Variants in CPE observed in about 807,000 individuals in gnomAD.
The protein encoded by CPE is carboxypeptidase E, also known as carbocypeptidase E.
In CPE, 17 loss-of-function variants were observed where a neutral mutation model predicts 53.5. That is an observed-to-expected ratio of 0.32 (90% CI 0.22 to 0.48). The LOEUF (loss-of-function observed/expected upper bound fraction) is 0.48, where lower values mean the gene tolerates loss of function less well. CPE is among the 20% of genes least tolerant of loss of function. The pLI, the probability that CPE is intolerant of heterozygous loss-of-function variation, is 0.99. For missense variants in CPE, 524 were observed against 614.7 expected (o/e 0.85, Z 1.56); for synonymous variants, 226 against 228.8 (o/e 0.99, Z 0.11).
At chr4:165,419,256 A>G (rs1369261627) in intron 1 of CPE, among the ~76,000 whole-genome samples, 1 of 152,226 alleles carries the variant, frequency 6.6e-6, no homozygotes, top group Non-Finnish European at 1.5e-5. Context: ...TTTTAACCAC[A>G]GTTGCTCAAG....
rs1002974047 is a variant in CPE, at chr4:165,493,213, A to G, written c.1156A>G (p.Asn386Asp). 3.1e-6 allele frequency: 5 copies of G among 1,614,162 alleles called. No homozygotes were observed. Among genetic ancestry groups the G allele is most frequent in the Non-Finnish European group, 3.4e-6 (4 of 1,179,978 alleles). Residue 386 changes from asparagine to aspartate, a missense_variant, in exon 7 of 9, where the codon AAC (asparagine) becomes GAC (aspartate). Asn to Asp is a conservative substitution (Grantham distance 23, BLOSUM62 1). Coordinates refer to ENST00000402744, the MANE Select transcript of CPE (RefSeq NM_001873.4). The part of the protein sequence containing the change: ...VKGFVRDLQG[N>D]PIANATISVE... ...AGGATTTGTCCGAGACCTTCAAGGT[A>G]ACCCAATTGCGAATGCCACCATCTC...
At chr4:165,443,171 T>C (rs1348559862) in intron 1 of CPE, among the ~76,000 whole-genome samples, 1 of 152,202 alleles carries the variant, frequency 6.6e-6, no homozygotes, top group Non-Finnish European at 1.5e-5. Context: ...GCAGTAGCCA[T>C]TGGAGATTTC....
At chr4:165,425,220 T>C (rs948203124) in intron 1 of CPE, among the ~76,000 whole-genome samples, 2 of 152,134 alleles carry the variant, frequency 1.3e-5, no homozygotes, top group African/African-American at 4.8e-5. Context: ...ATAAAGATAA[T>C]ATAGACTTAA....
rs1730472399 is a variant in CPE, at chr4:165,379,759, A to G, written c.307+231A>G. 6.6e-6 allele frequency among the ~76,000 whole-genome samples: 1 copy of G among 152,164 alleles called. No individual in the cohort carries two copies. Among genetic ancestry groups the G allele is most frequent in the African/African-American group, 2.4e-5 (1 of 41,444 alleles). ...TTCCCGTCCCATCCCCCCAGCACCA[A>G]TCCCATCTCCCCAGACCTTAGGCCA... On this transcript the variant is annotated intron_variant, in intron 1 of 8. Coordinates refer to ENST00000402744, the MANE Select transcript of CPE (RefSeq NM_001873.4). The surrounding 1 kb of genome is among the most constrained non-coding windows in gnomAD (Gnocchi z 6.0).
At chr4:165,429,939 C>T (rs554594871) in intron 1 of CPE, among the ~76,000 whole-genome samples, 94 of 152,252 alleles carry the variant, frequency 6.2e-4, no homozygotes, top group African/African-American at 2.2e-3. Flanking sequence ...GAAATCATAA[C>T]CTCATTTGGC....
At chr4:165,410,990 A>G (rs1731036098) in intron 1 of CPE, among the ~76,000 whole-genome samples, 1 of 152,182 alleles carries the variant, frequency 6.6e-6, no homozygotes, top group African/African-American at 2.4e-5. Flanking sequence ...ATCGAAGACC[A>G]GAGAGCATGC....
At chr4:165,396,796 G>A (rs1386174627) in intron 1 of CPE, among the ~76,000 whole-genome samples, 1 of 151,888 alleles carries the variant, frequency 6.6e-6, no homozygotes, top group East Asian at 1.9e-4. Flanking sequence ...TTGGGAGGCT[G>A]AGGCAGGACA....
At chr4:165,405,919 A>G in intron 1 of CPE, 2 of 731,442 alleles carry the variant, frequency 2.7e-6, no homozygotes, top group Admixed American at 3.6e-5. Context: ...GGCAGGATCC[A>G]CTGATGGCAG....
intron 3 of CPE, among the ~76,000 whole-genome samples, chr4:165,471,457 C>A (rs988486279): frequency 3.3e-5 from 5 of 152,148 alleles, no homozygotes; most frequent in Non-Finnish European, 5.9e-5. Context: ...AAAAACAAAT[C>A]ATGATAGGAC....
At chr4:165,381,660 A>C (rs1579235575) in intron 1 of CPE, among the ~76,000 whole-genome samples, 1 of 152,194 alleles carries the variant, frequency 6.6e-6, no homozygotes, top group Non-Finnish European at 1.5e-5. Context: ...CACTAACAAA[A>C]GTACAAGGTG....
Position 165,497,585 on chromosome 4 carries a change from T to C in CPE, c.1406T>C (p.Met469Thr). 6.4e-7 allele frequency: 1 copy of C among 1,573,682 alleles called. No individual in the cohort carries two copies. Among genetic ancestry groups the C allele is most frequent in the African/African-American group, 1.4e-5 (1 of 73,286 alleles). Reference sequence around the variant, plus strand: ...GAAGAATTGATGGAATGGTGGAAAATGATGTCAGAAACTTTAAATTTTTAA... The same window carrying C: ...GAAGAATTGATGGAATGGTGGAAAACGATGTCAGAAACTTTAAATTTTTAA... ...EKEELMEWWK[M>T]MSETLNF Residue 469 changes from methionine (M) to threonine (T), a missense_variant, in exon 9 of 9, where the codon ATG becomes ACG. Coordinates refer to ENST00000402744, the MANE Select transcript of CPE (RefSeq NM_001873.4).
intron 1 of CPE, chr4:165,405,107 G>C (rs1025056266): frequency 1.8e-5 from 13 of 739,584 alleles, no homozygotes; most frequent in Admixed American, 1.6e-4. Flanking sequence ...CCTTTCAAAT[G>C]ACGTTAGAGC....
At chr4:165,429,890 A>T (rs1731381020) in intron 1 of CPE, among the ~76,000 whole-genome samples, 1 of 152,186 alleles carries the variant, frequency 6.6e-6, no homozygotes, top group Non-Finnish European at 1.5e-5. Context: ...GATGACTAAC[A>T]GGTAAGAAAC....
chr4:165,402,697 G>C (rs994668080), intron 1 of CPE, among the ~76,000 whole-genome samples: 2 of 152,086 alleles, frequency 1.3e-5, no homozygotes, highest in Non-Finnish European at 2.9e-5. Context: ...TGTACAGCCT[G>C]CAGAACCGTG....
At chr4:165,466,876 T>C (rs917020879) in intron 2 of CPE, among the ~76,000 whole-genome samples, 12 of 152,332 alleles carry the variant, frequency 7.9e-5, no homozygotes, top group African/African-American at 2.9e-4. Flanking sequence ...TTGGACTCTT[T>C]GTAATAACAC....
intron 3 of CPE, among the ~76,000 whole-genome samples, chr4:165,474,538 G>A (rs1397748058): frequency 1.3e-5 from 2 of 152,132 alleles, no homozygotes; most frequent in Admixed American, 6.5e-5. Context: ...TTCATCCTTA[G>A]GGTTCTGGAA....
chr4:165,450,695 G>A (rs1229767773), intron 1 of CPE, among the ~76,000 whole-genome samples: 2 of 152,180 alleles, frequency 1.3e-5, no homozygotes, highest in African/African-American at 4.8e-5. Flanking sequence ...TTTCATGTCT[G>A]ATAATATTCC....
In CPE at chr4:165,483,503, C is replaced by A. The variant is rs74474403; in HGVS notation, c.791-919C>A. Among the ~76,000 whole-genome samples the A allele has an allele frequency of 1.8e-3, 271 of 152,292 alleles. 3 individuals carry two copies. Among genetic ancestry groups the A allele is most frequent in the African/African-American group, 5.9e-3 (244 of 41,568 alleles). ...TAATTTCTTTTCCTTTGGATGCATA[C>A]TCAGTAGTGGGATTACTAGGTTGAA... is the stretch of plus-strand genomic sequence containing the variant. On this transcript the variant is annotated intron_variant, in intron 4 of 8. Coordinates refer to ENST00000402744, the MANE Select transcript of CPE (RefSeq NM_001873.4).
chr4:165,468,287 T>C (rs892815001), intron 3 of CPE, among the ~76,000 whole-genome samples: 6 of 152,198 alleles, frequency 3.9e-5, no homozygotes, highest in Admixed American at 3.9e-4. Context: ...CTGTTTCTTC[T>C]ACCTGGGCAT....
Sources: allele counts gnomAD v4.1 joint callset (sites outside exome capture counted in the v4.1 genomes callset), GRCh38; gene constraint gnomAD v4.1.1; non-coding constraint Gnocchi (gnomAD v3.1); transcripts MANE v1.5; gene names NCBI Gene and HGNC (gene_info 2026-07-23, HGNC 2026-07-21).